Variants in GRM1 observed in about 807,000 individuals in gnomAD.
The protein encoded by GRM1 is glutamate metabotropic receptor 1, also known as metabotropic glutamate receptor 1.
A neutral mutation model predicts 90.9 loss-of-function variants in GRM1; 33 were observed. That is an observed-to-expected ratio of 0.36 (90% confidence interval 0.28 to 0.49). The LOEUF is 0.49. Ranked by LOEUF, GRM1 falls within the 20% of genes least tolerant of loss-of-function variation. The probability of loss-of-function intolerance (pLI) is 0.99; values close to 1 mark genes in which losing one functional copy is unlikely to be tolerated. For synonymous variants in GRM1, 700 were observed against 613.2 expected (o/e 1.14, Z -2.09); for missense variants, 1,190 against 1,534.3 (o/e 0.78, Z 3.75).
chr6:146,244,862 G>A (rs564954088), intron 2 of GRM1, among the ~76,000 whole-genome samples: 6 of 152,248 alleles, frequency 3.9e-5, no homozygotes, highest in Admixed American at 2.0e-4. Flanking sequence ...TTCACTAATC[G>A]TTCTGTACTG....
intron 6 of GRM1, among the ~76,000 whole-genome samples, chr6:146,393,988 A>C (rs985736333): frequency 1.3e-5 from 2 of 152,142 alleles, no homozygotes; most frequent in Non-Finnish European, 2.9e-5. Context: ...ATCTTTGACA[A>C]ACCTGACAAA....
chr6:146,427,249 C>G (rs1223215230), intron 7 of GRM1, among the ~76,000 whole-genome samples: 1 of 152,128 alleles, frequency 6.6e-6, no homozygotes, highest in Non-Finnish European at 1.5e-5. Context: ...TGATTTTTAT[C>G]AGATTTCCTC....
At position 146,043,796 on chromosome 6, in the gene GRM1, T is replaced by TATAGATATATATAG. The variant is rs1554260528; in HGVS notation, c.700+13582_700+13583insGATATATATAGATA. Among the ~76,000 whole-genome samples, 3 of 137,940 alleles carry TATAGATATATATAG rather than the reference T, an allele frequency of 2.2e-5. 1 individual carries two copies. The highest frequency in any genetic ancestry group is 4.7e-5 in the Non-Finnish European group (3 of 63,458). 90.5% of individuals were successfully genotyped at this position (137,940 alleles called of 152,430 possible). A position where few individuals can be genotyped will look rare whatever the true frequency, so the allele number is the denominator to read the frequency against. Reference sequence around the variant, plus strand: ...AAGAGTCAGGTGATATATATATATATATATATATATATATAAAGGGAAGTG... The same window carrying TATAGATATATATAG: ...AAGAGTCAGGTGATATATATATATATATAGATATATATAGATATATATATATATAAAGGGAAGTG... On this transcript the variant is annotated intron_variant, in intron 1 of 7. Coordinates refer to ENST00000282753, the MANE Select transcript of GRM1 (RefSeq NM_001278064.2).
At chr6:146,049,019 C>G (rs1288951949) in intron 1 of GRM1, among the ~76,000 whole-genome samples, 2 of 151,720 alleles carry the variant, frequency 1.3e-5, no homozygotes, top group Admixed American at 6.6e-5. Flanking sequence ...TATTGTAAAA[C>G]CTGCTCTAGG....
intron 6 of GRM1, among the ~76,000 whole-genome samples, chr6:146,397,484 GAAAAAA>G (rs577471775): frequency 4.4e-5 from 2 of 45,032 alleles, no homozygotes; most frequent in Non-Finnish European, 9.4e-5. Context: ...AAAAAAAAAA[GAAAAAA>G]AAAAAAAAAA....
At chr6:146,208,350 A>G (rs930871139) in intron 2 of GRM1, among the ~76,000 whole-genome samples, 2 of 152,024 alleles carry the variant, frequency 1.3e-5, no homozygotes, top group East Asian at 3.9e-4. Flanking sequence ...AAAAATGTAT[A>G]TTTTTTTCTG....
At position 146,385,688 on chromosome 6, in the gene GRM1, CAT is replaced by C. The variant is rs142756721; in HGVS notation, c.1603-1199_1603-1198del. Among the ~76,000 whole-genome samples, 912 of 151,878 alleles carry C rather than the reference CAT, an allele frequency of 6.0e-3. 31 individuals carry two copies. In the East Asian group the frequency reaches 0.1, roughly 17 times the overall value. ...ATAATATCTTTGTTATTTTAAAAAA[CAT>C]ATTTCAGGGATAATTGACTGTTTAA... On this transcript the variant is annotated intron_variant, in intron 5 of 7. Transcript: ENST00000282753.
intron 1 of GRM1, among the ~76,000 whole-genome samples, chr6:146,055,391 T>G (rs184485333): frequency 1.2e-3 from 176 of 152,214 alleles, no homozygotes; most frequent in African/African-American, 4.0e-3. Flanking sequence ...TTTTTTTAAT[T>G]TTTAGGAAAG....
chr6:146,083,475 C>G (rs1053387749), intron 1 of GRM1, among the ~76,000 whole-genome samples: 3 of 152,098 alleles, frequency 2.0e-5, no homozygotes, highest in Admixed American at 2.0e-4. Flanking sequence ...GCCTTGTCTG[C>G]GTCTATTGAG....
chr6:146,127,499 C>T (rs1181345145), intron 1 of GRM1, among the ~76,000 whole-genome samples: 1 of 152,162 alleles, frequency 6.6e-6, no homozygotes, highest in Non-Finnish European at 1.5e-5. Context: ...GTGCTCACTC[C>T]TGAGGTTTGA....
rs1777062857 is a variant in GRM1, at chr6:146,398,945, G to A, written c.1906G>A (p.Ala636Thr). Residue 636 changes from alanine (A) to threonine (T), a missense_variant, in exon 7 of 8, where the codon GCT (alanine) becomes ACT (threonine). Coordinates refer to ENST00000282753, the MANE Select transcript of GRM1 (RefSeq NM_001278064.2). ...SSRELCYIIL[A>T]GIFLGYVCPF... The stretch of plus-strand genomic sequence containing the variant: ...TCGGGAGCTCTGCTACATCATCCTA[G>A]CTGGCATCTTCCTTGGTTATGTGTG... 1.2e-6 allele frequency: 2 copies of A among 1,614,086 alleles called. No individual in the cohort carries two copies. Among genetic ancestry groups the A allele is most frequent in the East Asian group, 4.5e-5 (2 of 44,874 alleles).
intron 1 of GRM1, among the ~76,000 whole-genome samples, chr6:146,054,760 A>G (rs1775419179): frequency 6.6e-6 from 1 of 152,136 alleles, no homozygotes; most frequent in Non-Finnish European, 1.5e-5. Flanking sequence ...GAAATGTTTT[A>G]TAGAAAGAAT....
chr6:146,191,492 A>G (rs1456420219), intron 2 of GRM1, among the ~76,000 whole-genome samples: 2 of 152,088 alleles, frequency 1.3e-5, no homozygotes, highest in African/African-American at 4.8e-5. Context: ...TATCTTTCTT[A>G]AGTATTAAAA....
chr6:146,094,362 T>G (rs374678762), intron 1 of GRM1, among the ~76,000 whole-genome samples: 1 of 152,060 alleles, frequency 6.6e-6, no homozygotes, highest in Admixed American at 6.6e-5. Flanking sequence ...GGCATAGCTT[T>G]TCCTGGTCAT....
rs139403918 is a variant in GRM1, at chr6:146,153,204, C to T, written c.701-6144C>T. Reference sequence around the variant, plus strand: ...AGTTTTCCTGATTCTTAACCCATAGCACCTCTATTAGATACTTGCAGTTGT... The same window carrying T: ...AGTTTTCCTGATTCTTAACCCATAGTACCTCTATTAGATACTTGCAGTTGT... On this transcript the variant is annotated intron_variant, in intron 1 of 7. Transcript: ENST00000282753. Among the ~76,000 whole-genome samples the T allele has an allele frequency of 2.0e-5, 3 of 152,314 alleles. No homozygotes were observed. In the East Asian group the frequency reaches 5.8e-4, roughly 29 times the overall value.
Position 146,030,177 on chromosome 6 carries a change from A to C in GRM1, c.660A>C (p.Lys220Asn). ...LQARAMLDIV[K>N]RYNWTYVSAV... ...CAAGGGCCATGCTTGACATAGTCAA[A>C]CGTTACAATTGGACCTATGTCTCTG... The change falls in exon 1 of 8, where the codon AAA (lysine) becomes AAC (asparagine). Residue 220 changes from lysine (K) to asparagine (N), a missense_variant. By Grantham distance (94) the Lys-to-Asn change is moderately conservative. Coordinates refer to ENST00000282753, the MANE Select transcript of GRM1 (RefSeq NM_001278064.2). 1 of 1,613,774 alleles carries C rather than the reference A, an allele frequency of 6.2e-7. No individual in the cohort carries two copies.
chr6:146,208,142 T>C (rs531462814), intron 2 of GRM1, among the ~76,000 whole-genome samples: 1 of 152,240 alleles, frequency 6.6e-6, no homozygotes, highest in East Asian at 1.9e-4. Flanking sequence ...CTGAGTAAAA[T>C]AGAAGGACAT....
chr6:146,383,857 A>C (rs567163672), intron 5 of GRM1, among the ~76,000 whole-genome samples: 1 of 152,154 alleles, frequency 6.6e-6, no homozygotes, highest in African/African-American at 2.4e-5. Flanking sequence ...AGGGATTAAC[A>C]GAGTCCAGAC....
chr6:146,394,177 G>A (rs1410500192), intron 6 of GRM1, among the ~76,000 whole-genome samples: 1 of 151,992 alleles, frequency 6.6e-6, no homozygotes, highest in Admixed American at 6.6e-5. Flanking sequence ...GAAAACCTAG[G>A]CAATACCATT....
Sources: gnomAD v4.1 joint callset for allele counts (sites outside exome capture counted in the v4.1 genomes callset) on GRCh38, gnomAD v4.1.1 for gene constraint, MANE v1.5 for transcripts, NCBI Gene and HGNC (gene_info 2026-07-23, HGNC 2026-07-21) for gene names.